Variants in PCDHA2 observed in about 807,000 individuals in gnomAD.
PCDHA2 encodes protocadherin alpha-2.
A neutral mutation model predicts 66.0 loss-of-function variants in PCDHA2; 58 were observed. The ratio of observed to expected loss-of-function variants is 0.88; its 90% CI spans 0.71 to 1.09. The LOEUF (loss-of-function observed/expected upper bound fraction) is 1.09, where lower values mean the gene tolerates loss of function less well. PCDHA2 is among the 50% of genes least tolerant of loss of function. PCDHA2 has a pLI of 0.00. For synonymous variants in PCDHA2, 634 were observed against 554.0 expected, an observed-to-expected ratio of 1.14 and a Z score of -2.03; for missense variants, 1,267 against 1,242.3, an observed-to-expected ratio of 1.02 and a Z score of -0.30.
intron 1 of PCDHA2, among the ~76,000 whole-genome samples, chr5:140,839,243 C>T (rs12659980): frequency 0.58 from 88,501 of 151,692 alleles, 26,916 homozygotes; most frequent in African/African-American, 0.73. Context: ...TATTGCTTTG[C>T]TTTTATGCTT....
chr5:140,829,472 A>C (rs1281659307), intron 1 of PCDHA2: 2 of 1,613,698 alleles, frequency 1.2e-6, no homozygotes, highest in Non-Finnish European at 8.5e-7. Flanking sequence ...GCCCGAGTAC[A>C]CAGTGTTCGT....
chr5:140,908,050 G>A (rs1554193217), intron 1 of PCDHA2, among the ~76,000 whole-genome samples: 1 of 152,120 alleles, frequency 6.6e-6, no homozygotes, highest in African/African-American at 2.4e-5. Context: ...TGCACATCCG[G>A]CCATTTCTCC....
At position 140,971,319 on chromosome 5, in the gene PCDHA2, A is replaced by C. The variant is rs568701560; in HGVS notation, c.2389-7630A>C. ...TGGTACACAAACATTTAATCTAGGG[A>C]GAAAATTATTTCAGAAAGTGCTTGC... is the stretch of plus-strand genomic sequence containing the variant. On this transcript the variant is annotated intron_variant, in intron 1 of 3. Transcript: ENST00000526136. Among the ~76,000 whole-genome samples the C allele has an allele frequency of 2.1e-4, 32 of 152,346 alleles. 1 individual carries two copies. Among genetic ancestry groups the C allele is most frequent in the Admixed American group, 2.0e-3 (31 of 15,306 alleles).
rs542875982 is a variant in PCDHA2 at position 140,939,696 on chromosome 5, T to C, written c.2389-39253T>C. On this transcript the variant is annotated intron_variant, in intron 1 of 3. Coordinates refer to ENST00000526136, the MANE Select transcript of PCDHA2 (RefSeq NM_018905.3). Reference sequence around the variant, plus strand: ...TATGTATGTGTGTGTTGCTGGACATTATCATTTGTGAGATACATTTATATT... The same window carrying C: ...TATGTATGTGTGTGTTGCTGGACATCATCATTTGTGAGATACATTTATATT... Among the ~76,000 whole-genome samples the C allele has an allele frequency of 1.6e-4, 24 of 152,340 alleles. No homozygotes were observed. The East Asian group carries it at 2.7e-3, about 17-fold the overall frequency.
intron 1 of PCDHA2, chr5:140,816,978 A>C (rs1367187399): frequency 6.6e-6 from 1 of 152,086 alleles, no homozygotes; most frequent in Non-Finnish European, 1.5e-5. Flanking sequence ...GCCCACTAAA[A>C]TTCAGGAACT....
chr5:140,829,975 G>A (rs2150178918), intron 1 of PCDHA2: 37 of 1,613,854 alleles, frequency 2.3e-5, no homozygotes, highest in Admixed American at 3.3e-5. Flanking sequence ...GGCTGTACAC[G>A]GGCGAGATCA....
chr5:140,875,318 C>G, intron 1 of PCDHA2: 1 of 1,427,508 alleles, frequency 7.0e-7, no homozygotes, highest in South Asian at 1.6e-5. Flanking sequence ...ACATTCCAAT[C>G]ATTCACGGAA....
chr5:140,859,865 C>T (rs2046056665), intron 1 of PCDHA2: 1 of 151,972 alleles, frequency 6.6e-6, no homozygotes, highest in African/African-American at 2.4e-5. Context: ...GAAATATATA[C>T]TTCCCCCTCT....
At chr5:140,850,114 C>A (rs2150468329) in intron 1 of PCDHA2, 7 of 1,595,992 alleles carry the variant, frequency 4.4e-6, no homozygotes, top group Non-Finnish European at 5.1e-6. Flanking sequence ...GCGCGCGACG[C>A]GGGCGTGCCG....
chr5:140,876,408 G>T, intron 1 of PCDHA2: 1 of 1,613,942 alleles, frequency 6.2e-7, no homozygotes, highest in Non-Finnish European at 8.5e-7. Flanking sequence ...ATTTTGAAGA[G>T]AATAATGCCT....
chr5:140,876,560 C>T (rs2056422143), intron 1 of PCDHA2: 2 of 1,614,068 alleles, frequency 1.2e-6, no homozygotes, highest in African/African-American at 2.7e-5. Flanking sequence ...CAAGAGGATG[C>T]TCAGGTGGGT....
intron 1 of PCDHA2, among the ~76,000 whole-genome samples, chr5:140,934,650 T>C (rs2089969846): frequency 6.6e-6 from 1 of 152,134 alleles, no homozygotes; most frequent in East Asian, 1.9e-4. Flanking sequence ...GATAAATGTT[T>C]GATTCTTCCC....
At chr5:140,969,994 CAGAG>C (rs1406079395) in intron 1 of PCDHA2, among the ~76,000 whole-genome samples, 2 of 152,032 alleles carry the variant, frequency 1.3e-5, no homozygotes, top group Non-Finnish European at 1.5e-5. Context: ...AGAGGGCTGT[CAGAG>C]GGAGTGGATG....
Position 140,843,523 on chromosome 5 carries a change from G to A in PCDHA2, c.2388+46171G>A, listed in dbSNP as rs200202372. ...TGCCCACTGAGGGCGGGTGCCGGGCGGGCAAGCCCACTCTGGTGTGCTCCA... is the reference window on the plus strand; with the variant it reads ...TGCCCACTGAGGGCGGGTGCCGGGCAGGCAAGCCCACTCTGGTGTGCTCCA... On this transcript the variant is annotated intron_variant, in intron 1 of 3. Coordinates refer to ENST00000526136, the MANE Select transcript of PCDHA2 (RefSeq NM_018905.3). 1.7e-4 allele frequency: 278 copies of A among 1,595,788 alleles called. 33 individuals carry two copies. The highest frequency in any genetic ancestry group is 2.3e-4 in the Non-Finnish European group (265 of 1,165,554).
At chr5:140,839,307 C>A (rs1554137377) in intron 1 of PCDHA2, among the ~76,000 whole-genome samples, 1 of 151,838 alleles carries the variant, frequency 6.6e-6, no homozygotes, top group African/African-American at 2.4e-5. Flanking sequence ...TTTAAATATC[C>A]TATTTATATT....
At chr5:140,969,382 TC>T in intron 1 of PCDHA2, 1 of 1,597,954 alleles carries the variant, frequency 6.3e-7, no homozygotes, top group Non-Finnish European at 8.5e-7. Flanking sequence ...TTGTTACACA[TC>T]CCCCAATATC....
chr5:140,883,171 A>G, intron 1 of PCDHA2: 7 of 1,614,008 alleles, frequency 4.3e-6, no homozygotes, highest in Non-Finnish European at 5.9e-6. Flanking sequence ...ACAATGGAGA[A>G]ATTAGGACAA....
At chr5:140,874,958 A>G (rs2055195313) in intron 1 of PCDHA2, among the ~76,000 whole-genome samples, 1 of 152,242 alleles carries the variant, frequency 6.6e-6, no homozygotes, top group South Asian at 2.1e-4. Flanking sequence ...TGTAAGCTAT[A>G]TAAGGGGAGG....
Position 140,998,756 on chromosome 5 carries a change from G to A in PCDHA2, c.2537-10871G>A, listed in dbSNP as rs78235138. Among the ~76,000 whole-genome samples, 197 of 152,232 alleles carry A rather than the reference G, an allele frequency of 1.3e-3. 4 individuals carry two copies. In the East Asian group the frequency reaches 0.035, roughly 27 times the overall value. On this transcript the variant is annotated intron_variant, in intron 3 of 3. Coordinates refer to ENST00000526136, the MANE Select transcript of PCDHA2 (RefSeq NM_018905.3). Reference sequence around the variant, plus strand: ...ATTTTGTATTTTTAGAAGAGACACAGTTTCACTATGTTGGTCAGGCTGGTC... The same window carrying A: ...ATTTTGTATTTTTAGAAGAGACACAATTTCACTATGTTGGTCAGGCTGGTC...
Sources: gnomAD v4.1 joint callset for allele counts (sites outside exome capture counted in the v4.1 genomes callset) on GRCh38, gnomAD v4.1.1 for gene constraint, MANE v1.5 for transcripts, NCBI Gene and HGNC (gene_info 2026-07-23, HGNC 2026-07-21) for gene names.